The following HRH1 variants were observed in gnomAD, a reference collection of about 807,000 sequenced individuals.
The protein encoded by HRH1 is histamine H1 receptor.
A neutral mutation model predicts 10.3 loss-of-function variants in HRH1; 6 were observed. The ratio of observed to expected loss-of-function variants is 0.58; its 90% CI spans 0.32 to 1.15. The LOEUF is 1.15. Among genes scored for constraint, HRH1 ranks in the 50% most tolerant of loss-of-function variants. The probability of loss-of-function intolerance (pLI) is 0.05; values close to 1 mark genes in which losing one functional copy is unlikely to be tolerated. For missense variants in HRH1, 514 were observed against 615.3 expected, an observed-to-expected ratio of 0.84 and a Z score of 1.74; for synonymous variants, 242 against 236.7, an observed-to-expected ratio of 1.02 and a Z score of -0.21.
chr3:11,195,919 C>T (rs568219072), intron 1 of HRH1, among the ~76,000 whole-genome samples: 3 of 152,296 alleles, frequency 2.0e-5, no homozygotes, highest in African/African-American at 7.2e-5. Context: ...TTTCCAGCAT[C>T]CTGTGGCAGA....
intron 1 of HRH1, among the ~76,000 whole-genome samples, chr3:11,241,550 CA>C (rs1405895281): frequency 1.3e-5 from 2 of 151,890 alleles, no homozygotes; most frequent in African/African-American, 4.8e-5. Flanking sequence ...ATGCACCACT[CA>C]GGCTGGGCAC....
rs181775201 is a variant in HRH1, at chr3:11,148,311, C to T, written c.-36+10912C>T. On this transcript the variant is annotated intron_variant, in intron 1 of 1. Transcript: ENST00000438284. ...AAGAGTGGGAGATATTCACTCCTCC[C>T]TACCTTCACCACTGTTCCCATAGCA... Among the ~76,000 whole-genome samples the T allele has an allele frequency of 5.3e-3, 806 of 152,294 alleles. 4 individuals are homozygous for T. Among genetic ancestry groups the T allele is most frequent in the Non-Finnish European group, 8.2e-3 (561 of 68,026 alleles).
At chr3:11,245,329 G>C (rs1575039577) in intron 1 of HRH1, among the ~76,000 whole-genome samples, 1 of 146,404 alleles carries the variant, frequency 6.8e-6, no homozygotes, top group African/African-American at 2.6e-5. Flanking sequence ...CTCCAGCCTA[G>C]GTGACTGAAC....
At chr3:11,243,894 T>A (rs1939412654) in intron 1 of HRH1, among the ~76,000 whole-genome samples, 1 of 152,360 alleles carries the variant, frequency 6.6e-6, no homozygotes, top group South Asian at 2.1e-4. Context: ...CTAGGGTTTT[T>A]AATTTAATTG....
intron 1 of HRH1, among the ~76,000 whole-genome samples, chr3:11,178,276 C>T (rs1369508298): frequency 2.0e-5 from 3 of 152,236 alleles, no homozygotes; most frequent in African/African-American, 7.2e-5. Flanking sequence ...TCCTCTGTGA[C>T]ACACACATTG....
rs1939897085 is a variant in HRH1 at position 11,259,950 on chromosome 3, C to T, written c.913C>T (p.Leu305Phe). 6.2e-7 allele frequency: 1 copy of T among 1,614,196 alleles called. No individual in the cohort carries two copies. The highest frequency in any genetic ancestry group is 8.5e-7 in the Non-Finnish European group (1 of 1,180,040). The change falls in exon 2 of 2, where the codon CTT becomes TTT. Residue 305 changes from leucine to phenylalanine, a missense_variant. Leu to Phe is a conservative substitution (Grantham distance 22). Transcript: ENST00000431010. This position sits in a 1 kb window ranked among gnomAD's most constrained non-coding sequence, Gnocchi z 4.6. ...AGTAGACAAACTCTACTGCTTTCCA[C>T]TTGATATTGTGCACATGCAGGCTGC... ...REVDKLYCFP[L>F]DIVHMQAAAE... is the part of the protein sequence containing the mutation.
chr3:11,138,793 G>A (rs1936235745), intron 1 of HRH1, among the ~76,000 whole-genome samples: 1 of 149,936 alleles, frequency 6.7e-6, no homozygotes, highest in Non-Finnish European at 1.5e-5. Flanking sequence ...TCCCACCTCG[G>A]CCTCCCAAGT....
upstream of HRH1, among the ~76,000 whole-genome samples, chr3:11,152,558 A>G (rs1936659626): frequency 6.6e-6 from 1 of 152,126 alleles, no homozygotes; most frequent in Non-Finnish European, 1.5e-5. Context: ...TGCAGAATGG[A>G]GAGAGGAGGG....
intron 1 of HRH1, among the ~76,000 whole-genome samples, chr3:11,237,099 A>C (rs1244728173): frequency 3.3e-5 from 5 of 152,208 alleles, no homozygotes; most frequent in Non-Finnish European, 5.9e-5. Context: ...CCTATCCTGA[A>C]ATGATACTTG....
At chr3:11,191,299 C>A (rs1179960917) in intron 1 of HRH1, among the ~76,000 whole-genome samples, 2 of 152,148 alleles carry the variant, frequency 1.3e-5, no homozygotes, top group South Asian at 2.1e-4. Context: ...GGTGGGGAGC[C>A]ATGAACAACC....
chr3:11,155,706 G>C (rs1936772741), intron 1 of HRH1, among the ~76,000 whole-genome samples: 1 of 152,108 alleles, frequency 6.6e-6, no homozygotes, highest in Non-Finnish European at 1.5e-5. Flanking sequence ...TCATGATTGC[G>C]GGGCCAGAAA....
At chr3:11,211,195 TG>T (rs1212168136) in intron 1 of HRH1, among the ~76,000 whole-genome samples, 1 of 152,018 alleles carries the variant, frequency 6.6e-6, no homozygotes, top group African/African-American at 2.4e-5. Context: ...TTTAGACCAG[TG>T]GGTAAGGAAG....
At chr3:11,234,121 A>T in intron 1 of HRH1, 2 of 620,324 alleles carry the variant, frequency 3.2e-6, no homozygotes, top group African/African-American at 1.8e-5. Flanking sequence ...CCTGATCATC[A>T]AAATAAGTTA....
chr3:11,215,043 G>A (rs1938443029), intron 1 of HRH1, among the ~76,000 whole-genome samples: 2 of 152,332 alleles, frequency 1.3e-5, no homozygotes, highest in East Asian at 1.9e-4. Context: ...ACTATGACAT[G>A]GCTGATCGCT....
intron 1 of HRH1, among the ~76,000 whole-genome samples, chr3:11,176,830 C>T (rs955720333): frequency 2.0e-5 from 3 of 152,216 alleles, no homozygotes; most frequent in Non-Finnish European, 4.4e-5. Flanking sequence ...TAGTGGCTCA[C>T]GCCGGTAATC....
In HRH1 at chr3:11,256,261, C is replaced by T. The variant is rs1182604870; in HGVS notation, c.-35-2742C>T. ...TGATTGGCACCTCAGAGCTGGAGGA[C>T]ATCAAAAAATACCGCTGTAAGAAAG... is the stretch of plus-strand genomic sequence containing the variant. On this transcript the variant is annotated intron_variant, in intron 1 of 1. Transcript: ENST00000431010. 2.6e-5 allele frequency among the ~76,000 whole-genome samples: 4 copies of T among 152,106 alleles called. No homozygotes were observed. The East Asian group carries it at 7.7e-4, about 29-fold the overall frequency.
chr3:11,225,316 G>A (rs1448365216), intron 1 of HRH1, among the ~76,000 whole-genome samples: 1 of 152,186 alleles, frequency 6.6e-6, no homozygotes, highest in African/African-American at 2.4e-5. Flanking sequence ...TTTTGACAAT[G>A]TGAGAACCAG....
intron 1 of HRH1, among the ~76,000 whole-genome samples, chr3:11,141,868 G>A (rs1936298083): frequency 1.3e-5 from 2 of 152,196 alleles, no homozygotes; most frequent in South Asian, 4.1e-4. Flanking sequence ...GTGTGATCAC[G>A]TGTAGGGCAA....
Position 11,230,787 on chromosome 3 carries a change from A to T in HRH1, c.-35-28216A>T, listed in dbSNP as rs1939018595. On this transcript the variant is annotated intron_variant, in intron 1 of 1. Transcript: ENST00000431010. Reference sequence around the variant, plus strand: ...AATCTGGGAGTGCGGCCAAGGTATCAATATGAGTTTTTTTTTACATTAAGC... The same window carrying T: ...AATCTGGGAGTGCGGCCAAGGTATCTATATGAGTTTTTTTTTACATTAAGC... 2.0e-5 allele frequency among the ~76,000 whole-genome samples: 3 copies of T among 152,144 alleles called. No homozygotes were observed. The South Asian group carries it at 6.2e-4, about 32-fold the overall frequency.
Sources: allele counts gnomAD v4.1 joint callset (sites outside exome capture counted in the v4.1 genomes callset), GRCh38; gene constraint gnomAD v4.1.1; non-coding constraint Gnocchi (gnomAD v3.1); transcripts MANE v1.5; gene names NCBI Gene and HGNC (gene_info 2026-07-23, HGNC 2026-07-21).